ABTB2: variants seen among roughly 807,000 people sequenced by gnomAD.
The protein encoded by ABTB2 is ankyrin repeat and BTB domain containing 2.
A neutral mutation model predicts 104.1 loss-of-function variants in ABTB2; 56 were observed. That is an observed-to-expected ratio of 0.54 (90% CI 0.43 to 0.67). ABTB2 has a LOEUF of 0.67. Among genes scored for constraint, ABTB2 ranks in the 30% least tolerant of loss-of-function variants. The pLI is 0.00. For missense variants in ABTB2, 1,279 were observed against 1,407.7 expected (o/e 0.91, Z 1.46); for synonymous variants, 606 against 608.2 (o/e 1.00, Z 0.05).
chr11:34,328,591 C>G (rs1855096101), intron 1 of ABTB2, among the ~76,000 whole-genome samples: 1 of 152,226 alleles, frequency 6.6e-6, no homozygotes, highest in Non-Finnish European at 1.5e-5. Flanking sequence ...ATTACTGCAA[C>G]AGGATCATTC....
In ABTB2 at chr11:34,356,826, T is replaced by G. The variant is rs1855470786; in HGVS notation, c.758A>C (p.Asp253Ala). ...RARVMASHSP[D>A]GGGAGGGEVS... Reference sequence around the variant, plus strand: ...CTCCCCGCCTCCGGCCCCTCCGCCATCAGGGCTGTGGCTGGCCATCACCCT... The same window carrying G: ...CTCCCCGCCTCCGGCCCCTCCGCCAGCAGGGCTGTGGCTGGCCATCACCCT... The change falls in exon 1 of 17, where the codon GAT becomes GCT. Residue 253 changes from aspartate to alanine, a missense_variant. Physicochemically the swap from Asp to Ala is moderately radical, Grantham distance 126. Coordinates refer to ENST00000435224, the MANE Select transcript of ABTB2 (RefSeq NM_145804.3). The surrounding 1 kb of genome is among the most constrained non-coding windows in gnomAD (Gnocchi z 4.6). 6.2e-7 allele frequency: 1 copy of G among 1,607,280 alleles called. No homozygotes were observed.
At chr11:34,202,533 A>C (rs1367905149) in intron 2 of ABTB2, among the ~76,000 whole-genome samples, 1 of 152,158 alleles carries the variant, frequency 6.6e-6, no homozygotes, top group Non-Finnish European at 1.5e-5. Flanking sequence ...ACACAACCCA[A>C]TTTAAGCTTT....
chr11:34,350,179 C>T (rs182176827), intron 1 of ABTB2, among the ~76,000 whole-genome samples: 22 of 152,256 alleles, frequency 1.4e-4, no homozygotes, highest in African/African-American at 4.8e-4. Context: ...CTCATTCTCT[C>T]CCTGTGCTCT....
chr11:34,356,739 T>G lies in ABTB2; in HGVS notation c.845A>C (p.Gln282Pro), dbSNP rs753779225. ...GCCGCAGATGAGATGCTCATAGGGC[T>G]GCAAGACGCCCCAGAGCTCGGCGTC... ...NNDAELWGVL[Q>P]PYEHLICGKN... Residue 282 changes from glutamine to proline, a missense_variant, in exon 1 of 17, where the codon CAG becomes CCG. Gln to Pro is a moderately conservative substitution (Grantham distance 76, BLOSUM62 -1). Transcript: ENST00000435224. The surrounding 1 kb of genome is among the most constrained non-coding windows in gnomAD (Gnocchi z 4.6). 1 of 1,610,268 alleles carries G rather than the reference T, an allele frequency of 6.2e-7. No homozygotes were observed.
At chr11:34,224,302 GC>G (rs59554469) in intron 1 of ABTB2, among the ~76,000 whole-genome samples, 4,927 of 152,156 alleles carry the variant, frequency 0.032, 144 homozygotes, top group East Asian at 0.15. Context: ...AGGCCACCAT[GC>G]CCAGCCTAAT....
chr11:34,336,580 T>G (rs1855195011), intron 1 of ABTB2, among the ~76,000 whole-genome samples: 2 of 151,908 alleles, frequency 1.3e-5, no homozygotes, highest in South Asian at 4.2e-4. Context: ...GAGTTTGAGG[T>G]TGTCATGAGC....
At chr11:34,160,811 T>C (rs1390575571) in intron 11 of ABTB2, 92 bp downstream of exon 11, 3 of 1,388,498 alleles carry the variant, frequency 2.2e-6, no homozygotes, top group African/African-American at 2.9e-5. Flanking sequence ...GGTCCCTGTG[T>C]CTGTCCACGT....
At chr11:34,270,402 C>T (rs544104089) in intron 1 of ABTB2, among the ~76,000 whole-genome samples, 27 of 150,500 alleles carry the variant, frequency 1.8e-4, no homozygotes, top group South Asian at 8.4e-4. Context: ...TGCAGTGTCA[C>T]GATCTCGGCT....
intron 1 of ABTB2, among the ~76,000 whole-genome samples, chr11:34,316,153 AC>A (rs531319687): frequency 1.1e-4 from 17 of 151,982 alleles, no homozygotes; most frequent in Non-Finnish European, 2.4e-4. Context: ...CATTCCAGAC[AC>A]CCCGTCCCTG....
chr11:34,335,766 A>G, intron 1 of ABTB2: 1 of 1,384,036 alleles, frequency 7.2e-7, no homozygotes, highest in Non-Finnish European at 1.0e-6. Flanking sequence ...GGTGACAATC[A>G]AAACCTATGA....
chr11:34,235,036 T>C (rs1426575850), intron 1 of ABTB2, among the ~76,000 whole-genome samples: 1 of 152,068 alleles, frequency 6.6e-6, no homozygotes, highest in Non-Finnish European at 1.5e-5. Context: ...TTTTTTTTTG[T>C]ATTTTTAGTA....
intron 14 of ABTB2, among the ~76,000 whole-genome samples, chr11:34,156,296 T>C (rs1206508139): frequency 6.6e-6 from 1 of 151,962 alleles, no homozygotes; most frequent in Non-Finnish European, 1.5e-5. Flanking sequence ...CAGAGGTGGG[T>C]GAATTTTGCA....
intron 1 of ABTB2, among the ~76,000 whole-genome samples, chr11:34,213,229 G>C (rs940326661): frequency 1.3e-5 from 2 of 152,234 alleles, no homozygotes; most frequent in African/African-American, 4.8e-5. Context: ...TGTAATCCCA[G>C]CACTTTGGGA....
At position 34,357,617 on chromosome 11, in the gene ABTB2, G is replaced by T. The variant is rs1310834878; in HGVS notation, c.-34C>A. On this transcript the variant is annotated 5_prime_UTR_variant, in exon 1 of 17. Coordinates refer to ENST00000435224, the MANE Select transcript of ABTB2 (RefSeq NM_145804.3). ...TGCCGAGGGCGGCGTCGCCGAGCGA[G>T]GGGCACTCACAACTCCATGCCCTCT... 1.3e-6 allele frequency: 2 copies of T among 1,482,544 alleles called. No individual in the cohort carries two copies. Among genetic ancestry groups the T allele is most frequent in the East Asian group, 5.0e-5 (2 of 39,774 alleles). 91.8% of individuals were successfully genotyped at this position (1,482,544 alleles called of 1,614,324 possible).
At chr11:34,346,730 A>C (rs1219387318) in intron 1 of ABTB2, among the ~76,000 whole-genome samples, 1 of 152,160 alleles carries the variant, frequency 6.6e-6, no homozygotes, top group African/African-American at 2.4e-5. Flanking sequence ...AAGGAAACAG[A>C]GATCCAAGAG....
At chr11:34,178,181 C>A (rs990085507) in intron 3 of ABTB2, among the ~76,000 whole-genome samples, 3 of 36,652 alleles carry the variant, frequency 8.2e-5, no homozygotes, top group African/African-American at 3.7e-4. Context: ...CTAGATTAGC[C>A]CTCTGCCTCT....
intron 1 of ABTB2, among the ~76,000 whole-genome samples, chr11:34,331,155 C>T (rs776699545): frequency 2.6e-5 from 4 of 152,178 alleles, no homozygotes; most frequent in Non-Finnish European, 4.4e-5. Context: ...ATTCCTTCCA[C>T]GTGTTGAAGA....
intron 1 of ABTB2, among the ~76,000 whole-genome samples, chr11:34,332,968 G>T (rs987859280): frequency 6.6e-6 from 1 of 152,170 alleles, no homozygotes; most frequent in Non-Finnish European, 1.5e-5. Context: ...TGAGAAACAG[G>T]CAAAGACTTT....
At chr11:34,296,860 G>GT (rs1395529469) in intron 1 of ABTB2, among the ~76,000 whole-genome samples, 1 of 152,246 alleles carries the variant, frequency 6.6e-6, no homozygotes, top group Non-Finnish European at 1.5e-5. Flanking sequence ...GGAGAAGGCT[G>GT]TAGGGACAGT....
Sources: gnomAD v4.1 joint callset for allele counts (sites outside exome capture counted in the v4.1 genomes callset) on GRCh38, gnomAD v4.1.1 for gene constraint, Gnocchi (gnomAD v3.1) non-coding constraint, MANE v1.5 for transcripts, NCBI Gene and HGNC (gene_info 2026-07-23, HGNC 2026-07-21) for gene names.